The following ZFHX3 variants were observed in gnomAD, a reference collection of about 807,000 sequenced individuals.
ZFHX3 encodes the protein zinc finger homeobox 3, also known as zinc finger homeobox protein 3.
ZFHX3 carries 42 observed loss-of-function variants against 279.1 expected under a neutral mutation model. That is an observed-to-expected ratio of 0.15 (90% CI 0.12 to 0.19). ZFHX3 has a LOEUF of 0.19. Ranked by LOEUF, ZFHX3 falls within the 10% of genes least tolerant of loss-of-function variation. The pLI is 1.00. For synonymous variants in ZFHX3, 2,293 were observed against 1,957.8 expected, an observed-to-expected ratio of 1.17 and a Z score of -4.52; for missense variants, 4,981 against 4,754.0, an observed-to-expected ratio of 1.05 and a Z score of -1.40.
chr16:73,256,187 C>T (rs778169945), intron 5 of ZFHX3, among the ~76,000 whole-genome samples: 2 of 152,018 alleles, frequency 1.3e-5, no homozygotes, highest in African/African-American at 2.4e-5. Context: ...CATTCAATTG[C>T]AGTCAAGGGA....
chr16:73,850,845 C>T lies in ZFHX3; in HGVS notation c.-1608+40806G>A, dbSNP rs139199382. 3.3e-5 allele frequency among the ~76,000 whole-genome samples: 5 copies of T among 152,234 alleles called. No homozygotes were observed. In the East Asian group the frequency reaches 5.8e-4, roughly 18 times the overall value. ...TTCCTCAGGGTGAAGGGTACCTAAC[C>T]AGTAAAAGAGACTCCAGGGGATTTG... On this transcript the variant is annotated intron_variant, in intron 1 of 17. Transcript: ENST00000641206.
At chr16:73,107,053 A>G (rs1251923472) in intron 7 of ZFHX3, among the ~76,000 whole-genome samples, 2 of 152,222 alleles carry the variant, frequency 1.3e-5, no homozygotes, top group Non-Finnish European at 2.9e-5. Context: ...GCAGTGCCTC[A>G]TGCCTATAAT....
chr16:72,919,280 TC>T (rs2144227634), intron 3 of ZFHX3, among the ~76,000 whole-genome samples: 1 of 152,162 alleles, frequency 6.6e-6, no homozygotes, highest in Admixed American at 6.5e-5. Context: ...CACCTCAGCC[TC>T]CCAAGTAGCT....
At chr16:73,083,133 G>A (rs1965970661) in intron 8 of ZFHX3, among the ~76,000 whole-genome samples, 1 of 152,042 alleles carries the variant, frequency 6.6e-6, no homozygotes. Flanking sequence ...AACCCAGGAG[G>A]TAGAGGTTGC....
chr16:73,441,795 T>C (rs2018098643), intron 3 of ZFHX3, among the ~76,000 whole-genome samples: 2 of 152,170 alleles, frequency 1.3e-5, no homozygotes, highest in Admixed American at 1.3e-4. Flanking sequence ...AGTCTCAGTG[T>C]CTTGGAAAAC....
intron 1 of ZFHX3, among the ~76,000 whole-genome samples, chr16:73,032,602 C>T (rs1266593442): frequency 1.3e-5 from 2 of 152,116 alleles, no homozygotes; most frequent in Non-Finnish European, 2.9e-5. Flanking sequence ...CAGCTTTCCT[C>T]TTCAGTGCTC....
chr16:73,644,318 C>A (rs1207177956), intron 2 of ZFHX3, among the ~76,000 whole-genome samples: 1 of 152,078 alleles, frequency 6.6e-6, no homozygotes, highest in East Asian at 1.9e-4. Flanking sequence ...CTTAAGACAT[C>A]CCCAGACTGC....
At chr16:73,562,849 C>A (rs2020391868) in intron 2 of ZFHX3, among the ~76,000 whole-genome samples, 1 of 152,096 alleles carries the variant, frequency 6.6e-6, no homozygotes, top group Admixed American at 6.5e-5. Flanking sequence ...ACCATGCTAT[C>A]AAGAATCTTA....
At position 72,785,888 on chromosome 16, in the gene ZFHX3, A is replaced by AATT. The variant is rs1187728271; in HGVS notation, c.*1273_*1275dup. On this transcript the variant is annotated 3_prime_UTR_variant, in exon 10 of 10. Coordinates refer to ENST00000268489, the MANE Select transcript of ZFHX3 (RefSeq NM_006885.4). ...AAAGCTAACAGACACAGGTAACTAG[A>AATT]ATTATATGCCTTTAAAAAGTTTCAA... The AATT allele has an allele frequency of 2.0e-5, 3 of 152,222 alleles. No individual in the cohort carries two copies. The highest frequency in any genetic ancestry group is 4.4e-5 in the Non-Finnish European group (3 of 68,038). 9.4% of individuals were successfully genotyped at this position (152,222 alleles called of 1,614,324 possible). A position where few individuals can be genotyped will look rare whatever the true frequency, so the allele number is the denominator to read the frequency against.
chr16:73,690,173 T>C (rs978733448), intron 1 of ZFHX3, among the ~76,000 whole-genome samples: 9 of 152,278 alleles, frequency 5.9e-5, no homozygotes, highest in Admixed American at 2.6e-4. Flanking sequence ...CACCTCGGCC[T>C]CCCAAAGTGC....
At chr16:73,797,362 A>C (rs1024852343) in intron 1 of ZFHX3, among the ~76,000 whole-genome samples, 4 of 152,178 alleles carry the variant, frequency 2.6e-5, no homozygotes, top group African/African-American at 9.7e-5. Flanking sequence ...CAGTTTCCTG[A>C]CCTGCTCCTG....
chr16:73,748,127 C>T (rs1270076820), intron 1 of ZFHX3, among the ~76,000 whole-genome samples: 1 of 152,042 alleles, frequency 6.6e-6, no homozygotes, highest in Non-Finnish European at 1.5e-5. Flanking sequence ...TAGAATCTAA[C>T]ATTTTGAAAT....
chr16:72,980,137 TTTGC>T (rs1962525145), intron 1 of ZFHX3, among the ~76,000 whole-genome samples: 2 of 152,100 alleles, frequency 1.3e-5, no homozygotes, highest in African/African-American at 2.4e-5. Flanking sequence ...GTGTTGGTGG[TTTGC>T]TGACGTCAGA....
rs79381758 is a variant in ZFHX3 at position 72,850,557 on chromosome 16, T to C, written c.3449-20698A>G. Among the ~76,000 whole-genome samples, 36 of 152,194 alleles carry C rather than the reference T, an allele frequency of 2.4e-4. No homozygotes were observed. In the East Asian group the frequency reaches 5.6e-3, roughly 24 times the overall value. ...TAGAGGAGGCTCAAGGAACTGGGGA[T>C]ATAGGGTGGGTCCACAGAACCATGG... On this transcript the variant is annotated intron_variant, in intron 4 of 9. Transcript: ENST00000268489.
At chr16:73,513,071 G>A (rs1394479209) in intron 2 of ZFHX3, among the ~76,000 whole-genome samples, 1 of 152,166 alleles carries the variant, frequency 6.6e-6, no homozygotes, top group East Asian at 1.9e-4. Flanking sequence ...ATCACTCAAG[G>A]CAGAGTGGTT....
intron 3 of ZFHX3, among the ~76,000 whole-genome samples, chr16:73,445,855 G>A (rs1281828411): frequency 6.6e-6 from 1 of 150,480 alleles, no homozygotes; most frequent in Non-Finnish European, 1.5e-5. Context: ...TTCCCCTGAG[G>A]TGGAATAACT....
intron 4 of ZFHX3, among the ~76,000 whole-genome samples, chr16:73,313,870 G>C (rs2015385179): frequency 1.3e-5 from 2 of 152,192 alleles, no homozygotes; most frequent in Admixed American, 1.3e-4. Flanking sequence ...CACTTTGGGA[G>C]GCTGTGGCCG....
chr16:72,973,898 G>GA (rs1477742632), intron 1 of ZFHX3: 2 of 152,028 alleles, frequency 1.3e-5, no homozygotes, highest in Admixed American at 6.6e-5. Context: ...CTCGGAAGGA[G>GA]AAAAAATCAG....
intron 2 of ZFHX3, among the ~76,000 whole-genome samples, chr16:73,506,714 A>G (rs961184011): frequency 2.6e-5 from 4 of 152,116 alleles, no homozygotes; most frequent in Non-Finnish European, 4.4e-5. Context: ...ACAGTAGGTG[A>G]CATTAACTCG....
Sources: gnomAD v4.1 joint callset for allele counts (sites outside exome capture counted in the v4.1 genomes callset) on GRCh38, gnomAD v4.1.1 for gene constraint, MANE v1.5 for transcripts, NCBI Gene and HGNC (gene_info 2026-07-23, HGNC 2026-07-21) for gene names.